ACOXL: variants seen among roughly 807,000 people sequenced by gnomAD.
ACOXL encodes the protein acyl-coenzyme A oxidase-like protein.
In ACOXL, 70 loss-of-function variants were observed where a neutral mutation model predicts 71.9. The observed-to-expected ratio is 0.97, with a 90% confidence interval of 0.80 to 1.19. The LOEUF is 1.19. Among genes scored for constraint, ACOXL ranks in the 50% most tolerant of loss-of-function variants. The probability of loss-of-function intolerance (pLI) is 0.00; values close to 1 mark genes in which losing one functional copy is unlikely to be tolerated. For missense variants in ACOXL, 703 were observed against 736.3 expected, an observed-to-expected ratio of 0.95 and a Z score of 0.52; for synonymous variants, 253 against 281.6, an observed-to-expected ratio of 0.90 and a Z score of 1.02.
At chr2:110,953,170 G>A (rs2061384964) in intron 12 of ACOXL, among the ~76,000 whole-genome samples, 1 of 152,076 alleles carries the variant, frequency 6.6e-6, no homozygotes, top group Non-Finnish European at 1.5e-5. Context: ...TGGGACACTG[G>A]GAGTTTAAGC....
intron 10 of ACOXL, among the ~76,000 whole-genome samples, chr2:110,852,346 G>A (rs575820345): frequency 1.3e-5 from 2 of 151,684 alleles, no homozygotes; most frequent in East Asian, 1.9e-4. Context: ...GTCAGGCTGC[G>A]CGTGGGGGCC....
Position 110,943,355 on chromosome 2 carries a change from GAGAA to G in ACOXL, c.1059+9723_1059+9726del, listed in dbSNP as rs763444910. ...AAAGGAAGGAGGGAAGGGGAAGGAA[GAGAA>G]AGAAAGAAAAGAGAGAAAATTGAGG... is the stretch of plus-strand genomic sequence containing the variant. On this transcript the variant is annotated intron_variant, in intron 12 of 17. Transcript: ENST00000439055. 1.8e-4 allele frequency among the ~76,000 whole-genome samples: 27 copies of G among 151,606 alleles called. 1 individual carries two copies. The highest frequency in any genetic ancestry group is 2.5e-4 in the Non-Finnish European group (17 of 67,816).
In ACOXL at chr2:110,768,412, G is replaced by A. The variant is rs751402618; in HGVS notation, c.23G>A (p.Arg8Lys). The A allele has an allele frequency of 1.2e-6, 2 of 1,614,140 alleles. No homozygotes were observed. Among genetic ancestry groups the A allele is most frequent in the Non-Finnish European group, 1.7e-6 (2 of 1,180,036 alleles). The part of the protein sequence containing the change: MRALTVQ[R>K]VKFAMDLPLL... ...GAAATGAGAGCTTTGACAGTTCAGA[G>A]AGTGAAGTTTGCCATGGACCTGCCT... Residue 8 changes from arginine (R) to lysine (K), a missense_variant, in exon 2 of 18, where the codon AGA becomes AAA. By Grantham distance (26) the Arg-to-Lys change is conservative. Coordinates refer to ENST00000439055, the MANE Select transcript of ACOXL (RefSeq NM_001142807.4).
intron 17 of ACOXL, among the ~76,000 whole-genome samples, chr2:111,104,145 G>A (rs369536547): frequency 3.9e-5 from 6 of 152,228 alleles, no homozygotes; most frequent in South Asian, 2.1e-4. Context: ...CCAGGTGGTC[G>A]CACATATCAA....
At chr2:110,871,448 A>G (rs1558650904) in intron 10 of ACOXL, among the ~76,000 whole-genome samples, 1 of 152,046 alleles carries the variant, frequency 6.6e-6, no homozygotes, top group Non-Finnish European at 1.5e-5. Flanking sequence ...TGAAGCTTGT[A>G]CAATGAAGCA....
chr2:110,789,407 A>C (rs568036520), intron 3 of ACOXL, among the ~76,000 whole-genome samples: 1 of 152,300 alleles, frequency 6.6e-6, no homozygotes, highest in African/African-American at 2.4e-5. Flanking sequence ...GACTGCTATA[A>C]CAAAATACCA....
intron 12 of ACOXL, among the ~76,000 whole-genome samples, chr2:110,969,225 G>T (rs538017333): frequency 6.6e-6 from 1 of 152,036 alleles, no homozygotes; most frequent in Non-Finnish European, 1.5e-5. Flanking sequence ...AAAGAGGAAA[G>T]GTCTCAACTC....
chr2:110,773,282 T>C (rs1268644537), intron 2 of ACOXL, among the ~76,000 whole-genome samples: 2 of 152,186 alleles, frequency 1.3e-5, no homozygotes, highest in Non-Finnish European at 2.9e-5. Flanking sequence ...AATGGAAGAA[T>C]GTTCTAAGGT....
intron 14 of ACOXL, among the ~76,000 whole-genome samples, chr2:111,007,869 A>G (rs928271433): frequency 2.0e-5 from 3 of 152,218 alleles, no homozygotes; most frequent in Non-Finnish European, 4.4e-5. Context: ...CTCTGATTCC[A>G]ATTCAAACAA....
chr2:110,809,322 C>A (rs765548647), intron 9 of ACOXL, among the ~76,000 whole-genome samples: 24 of 152,254 alleles, frequency 1.6e-4, no homozygotes, highest in Non-Finnish European at 3.1e-4. Context: ...GGGAGTGTGC[C>A]CAGGGCTGGG....
In ACOXL at chr2:110,784,764, C is replaced by G. The variant is rs758824889; in HGVS notation, c.108C>G (p.Ser36Arg). ...AEKTKNFVSR[S>R]LVIGEVLSMA... Reference sequence around the variant, plus strand: ...AAACAAAGAATTTTGTCAGCCGAAGCCTTGTCATAGGAGAAGTCCTCTCCA... The same window carrying G: ...AAACAAAGAATTTTGTCAGCCGAAGGCTTGTCATAGGAGAAGTCCTCTCCA... The change falls in exon 3 of 18, where the codon AGC becomes AGG. Residue 36 changes from serine to arginine, a missense_variant. Ser to Arg is a moderately radical substitution (Grantham distance 110). Transcript: ENST00000439055. 1.9e-6 allele frequency: 3 copies of G among 1,609,198 alleles called. No homozygotes were observed. In the Admixed American group the frequency reaches 5.1e-5, roughly 27 times the overall value.
intron 2 of ACOXL, among the ~76,000 whole-genome samples, chr2:110,780,799 C>T (rs1347595408): frequency 2.0e-5 from 3 of 151,152 alleles, no homozygotes; most frequent in Admixed American, 6.6e-5. Context: ...TTTGAGAGGC[C>T]GAGGCAGGAG....
At chr2:110,945,362 CTT>C (rs35191683) in intron 12 of ACOXL, among the ~76,000 whole-genome samples, 47 of 133,194 alleles carry the variant, frequency 3.5e-4, no homozygotes, top group Middle Eastern at 4.0e-3. Flanking sequence ...CATTTGTCAA[CTT>C]TTTTTTTTTT....
chr2:111,066,848 A>G (rs983810690), intron 16 of ACOXL, among the ~76,000 whole-genome samples: 1 of 152,182 alleles, frequency 6.6e-6, no homozygotes. Flanking sequence ...ACTCTCATAC[A>G]TTTTACGCAT....
At chr2:110,855,642 C>T (rs1043561581) in intron 10 of ACOXL, among the ~76,000 whole-genome samples, 3 of 152,256 alleles carry the variant, frequency 2.0e-5, no homozygotes, top group South Asian at 2.1e-4. Context: ...TACCTGTGGT[C>T]AATTTTGTTC....
At chr2:110,935,423 G>A (rs2149348075) in intron 12 of ACOXL, among the ~76,000 whole-genome samples, 1 of 152,208 alleles carries the variant, frequency 6.6e-6, no homozygotes, top group South Asian at 2.1e-4. Flanking sequence ...GCTTGTTCTG[G>A]GAGGCCGTAT....
At chr2:110,824,230 ATTC>A (rs1195019895) in intron 9 of ACOXL, among the ~76,000 whole-genome samples, 2 of 152,236 alleles carry the variant, frequency 1.3e-5, no homozygotes, top group Non-Finnish European at 2.9e-5. Context: ...TTAGGTGTCT[ATTC>A]TTTCTCCAAT....
chr2:110,844,613 T>A, intron 10 of ACOXL, among the ~76,000 whole-genome samples: 1 of 150,994 alleles, frequency 6.6e-6, no homozygotes, highest in East Asian at 1.9e-4. Flanking sequence ...AGTGGCATGA[T>A]CTTGGCTCAC....
At chr2:111,012,516 A>G (rs972992716) in intron 14 of ACOXL, among the ~76,000 whole-genome samples, 1 of 152,224 alleles carries the variant, frequency 6.6e-6, no homozygotes, top group African/African-American at 2.4e-5. Context: ...GTAGGCATTT[A>G]TTGAAAACTA....
Sources: gnomAD v4.1 joint callset for allele counts (sites outside exome capture counted in the v4.1 genomes callset) on GRCh38, gnomAD v4.1.1 for gene constraint, MANE v1.5 for transcripts, NCBI Gene and HGNC (gene_info 2026-07-23, HGNC 2026-07-21) for gene names.